RPL13A: variants seen among roughly 807,000 people sequenced by gnomAD.
The protein encoded by RPL13A is large ribosomal subunit protein uL13.
RPL13A carries 4 observed loss-of-function variants against 30.8 expected under a neutral mutation model. That is an observed-to-expected ratio of 0.13 (90% CI 0.06 to 0.30). RPL13A has a LOEUF of 0.30. RPL13A is among the 10% of genes least tolerant of loss of function. RPL13A has a pLI of 1.00. For missense variants in RPL13A, 196 were observed against 272.6 expected (o/e 0.72, Z 1.98); for synonymous variants, 108 against 104.2 (o/e 1.04, Z -0.22).
chr19:49,487,692 A>C (rs770310461), intron 1 of RPL13A, 48 bp downstream of exon 1: 1 of 1,485,358 alleles, frequency 6.7e-7, no homozygotes, highest in Admixed American at 2.6e-5. Flanking sequence ...GGTGGGATCC[A>C]GGCCGGAATG....
At chr19:49,490,039 CTG>C (rs776865576) in intron 2 of RPL13A, 117 bp downstream of exon 2, 2 of 1,016,320 alleles carry the variant, frequency 2.0e-6, no homozygotes, top group Non-Finnish European at 3.1e-6. Context: ...ATGCACCGCT[CTG>C]AGACCTGCCA....
At position 49,491,529 on chromosome 19, in the gene RPL13A, G is replaced by A. The variant is rs748119006; in HGVS notation, c.507G>A (p.Arg169=). The A allele has an allele frequency of 1.5e-5, 23 of 1,524,174 alleles. No homozygotes were observed. Among genetic ancestry groups the A allele is most frequent in the Non-Finnish European group, 1.8e-5 (21 of 1,137,092 alleles). The allele number at this position is 1,524,174 out of a possible 1,614,324, so 94.4% of individuals were successfully genotyped here. A position where few individuals can be genotyped will look rare whatever the true frequency, so the allele number is the denominator to read the frequency against. The change falls in exon 7 of 8, where the codon CGG becomes CGA. Residue 169 remains arginine (R), a synonymous_variant. Coordinates refer to ENST00000391857, the MANE Select transcript of RPL13A (RefSeq NM_012423.4). The part of the protein sequence containing the change: ...KRKEKAKIHY[R]KKKQLMRLRK... ...AAGAGAAAGCCAAGATCCACTACCG[G>A]AAGAAGAAACAGCTCATGGTGAGGC...
chr19:49,492,239 A>AG lies in RPL13A; in HGVS notation c.*428dup, dbSNP rs1424555353. 6.0e-6 allele frequency: 1 copy of AG among 166,684 alleles called. No homozygotes were observed. Among genetic ancestry groups the AG allele is most frequent in the African/African-American group, 2.4e-5 (1 of 41,770 alleles). The allele number at this position is 166,684 out of a possible 1,614,324, so 10.3% of individuals were successfully genotyped here. A position where few individuals can be genotyped will look rare whatever the true frequency, so the allele number is the denominator to read the frequency against. ...AATAGACTGGGAAGATGCACAACCAAGGGGTTACAGGCATCGCCCATGCTC... is the reference window on the plus strand; with the variant it reads ...AATAGACTGGGAAGATGCACAACCAAGGGGGTTACAGGCATCGCCCATGCTC... On this transcript the variant is annotated 3_prime_UTR_variant, in exon 8 of 8. Transcript: ENST00000391857.
intron 6 of RPL13A, 138 bp downstream of exon 6, chr19:49,491,237 C>T: frequency 1.6e-6 from 2 of 1,233,962 alleles, no homozygotes; most frequent in Non-Finnish European, 2.4e-6. Context: ...GCGACAATGC[C>T]AATGGCTTAG....
intron 1 of RPL13A, 100 bp downstream of exon 1, chr19:49,487,744 C>T (rs2079819627): frequency 2.4e-6 from 3 of 1,271,740 alleles, no homozygotes; most frequent in Admixed American, 3.4e-5. Context: ...CGGAGCTTAA[C>T]ATCCATAATG....
At chr19:49,491,354 G>A (rs1156454216) in intron 6 of RPL13A, 71 bp from the exon 7 acceptor site, 1 of 1,398,020 alleles carries the variant, frequency 7.2e-7, no homozygotes, top group Non-Finnish European at 1.0e-6. Flanking sequence ...AACAGCTCCG[G>A]CTCTTCAGGG....
intron 2 of RPL13A, 24 bp from the exon 3 acceptor site, chr19:49,490,208 T>C: frequency 1.2e-6 from 2 of 1,613,402 alleles, no homozygotes; most frequent in African/African-American, 2.7e-5. Context: ...GGCTCGGCCC[T>C]GCTAAGCCTT....
rs1433018621 is a variant in RPL13A at position 49,490,413 on chromosome 19, G to A, written c.155-62G>A. 7 of 1,596,836 alleles carry A rather than the reference G, an allele frequency of 4.4e-6. No individual in the cohort carries two copies. In the African/African-American group the frequency reaches 8.1e-5, roughly 18 times the overall value. Reference sequence around the variant, plus strand: ...ACTTGGGGTTTCTGAGAAGGCCCTTGGAAGTGGGGTTTTGGGGGTGCTGGT... The same window carrying A: ...ACTTGGGGTTTCTGAGAAGGCCCTTAGAAGTGGGGTTTTGGGGGTGCTGGT... On this transcript the variant is annotated intron_variant, in intron 3 of 7. Coordinates refer to ENST00000391857, the MANE Select transcript of RPL13A (RefSeq NM_012423.4).
intron 1 of RPL13A, among the ~76,000 whole-genome samples, chr19:49,488,518 T>G (rs2079831873): frequency 6.6e-6 from 1 of 152,238 alleles, no homozygotes; most frequent in African/African-American, 2.4e-5. Flanking sequence ...TTAACCATAT[T>G]CCTGAGGCAG....
chr19:49,489,986 TCAC>T (rs761904354), intron 2 of RPL13A, 64 bp downstream of exon 2: 12 of 1,306,544 alleles, frequency 9.2e-6, no homozygotes, highest in Non-Finnish European at 1.3e-5. Context: ...TGAGCAACAT[TCAC>T]CATCTTTCGT....
In RPL13A at chr19:49,491,414, C is replaced by CA; in HGVS notation, c.403-11_403-10insA. The CA allele has an allele frequency of 1.0e-6, 1 of 953,208 alleles. No individual in the cohort carries two copies. 59.0% of individuals were successfully genotyped at this position (953,208 alleles called of 1,614,324 possible). A position where few individuals can be genotyped will look rare whatever the true frequency, so the allele number is the denominator to read the frequency against. On this transcript the variant is annotated splice_polypyrimidine_tract_variant and intron_variant, in intron 6 of 7. Coordinates refer to ENST00000391857, the MANE Select transcript of RPL13A (RefSeq NM_012423.4). ...ACTTCATTTGTTCACCCCCCCCCCC[C>CA]CCCCCCGCAGTTTGCCTATCTGGGG...
chr19:49,487,754 G>T, intron 1 of RPL13A, 110 bp downstream of exon 1: 1 of 1,162,018 alleles, frequency 8.6e-7, no homozygotes, highest in Admixed American at 3.5e-5. Context: ...CATCCATAAT[G>T]AAGCAAAATG....
chr19:49,487,645 G>A lies in RPL13A; in HGVS notation c.15+1G>A, dbSNP rs747089637. The A allele has an allele frequency of 5.8e-6, 9 of 1,559,980 alleles. No individual in the cohort carries two copies. The Admixed American group carries it at 6.0e-5, about 10-fold the overall frequency. On this transcript the variant is annotated splice_donor_variant, in intron 1 of 7. Transcript: ENST00000391857. LOFTEE classifies it high-confidence loss of function. ...GCTGCCGAAGATGGCGGAGGTGCAG[G>A]TATGGGCTCCGCGCGGGCCGGGGCG...
At chr19:49,491,121 A>G in intron 6 of RPL13A, 22 bp downstream of exon 6, 1 of 1,613,846 alleles carries the variant, frequency 6.2e-7, no homozygotes. Flanking sequence ...CTTACGCTGC[A>G]CCATCTACTT....
intron 1 of RPL13A, 27 bp downstream of exon 1, chr19:49,487,671 G>A (rs747304070): frequency 1.3e-6 from 2 of 1,517,426 alleles, no homozygotes; most frequent in African/African-American, 2.9e-5. Flanking sequence ...GGCCGGGGCG[G>A]CAAGGGGCCG....
At position 49,489,996 on chromosome 19, in the gene RPL13A, T is replaced by A. The variant is rs766149246; in HGVS notation, c.88+74T>A. The A allele has an allele frequency of 8.8e-6, 11 of 1,243,054 alleles. No individual in the cohort carries two copies. In the South Asian group the frequency reaches 1.3e-4, roughly 15 times the overall value. 77.0% of individuals were successfully genotyped at this position (1,243,054 alleles called of 1,614,324 possible). ...AGTGATGAGCAACATTCACCATCTT[T>A]CGTTTGAGTCTCACGGCCATGAGAT... is the stretch of plus-strand genomic sequence containing the variant. On this transcript the variant is annotated intron_variant, in intron 2 of 7. Coordinates refer to ENST00000391857, the MANE Select transcript of RPL13A (RefSeq NM_012423.4).
chr19:49,490,684 T>A (rs749768780), intron 4 of RPL13A, 95 bp from the exon 5 acceptor site: 8 of 1,568,046 alleles, frequency 5.1e-6, no homozygotes, highest in Admixed American at 5.0e-5. Flanking sequence ...CCACATGCAC[T>A]ACCATCTGAG....
chr19:49,490,643 C>G (rs773911733), intron 4 of RPL13A, 67 bp downstream of exon 4: 1 of 1,581,388 alleles, frequency 6.3e-7, no homozygotes, highest in Admixed American at 1.7e-5. Context: ...TTCTCCCACT[C>G]ACATTCGAGT....
In RPL13A at chr19:49,490,167, G is replaced by T; in HGVS notation, c.89-65G>T. ...AAGTACTGCGCTGTGTCTGGAGGGT[G>T]ACTGCATAGGCAGTGGTGGGACCCT... On this transcript the variant is annotated intron_variant, in intron 2 of 7. Coordinates refer to ENST00000391857, the MANE Select transcript of RPL13A (RefSeq NM_012423.4). The T allele has an allele frequency of 2.1e-6, 3 of 1,451,342 alleles. No homozygotes were observed. The South Asian group carries it at 3.4e-5, about 17-fold the overall frequency. The allele number at this position is 1,451,342 out of a possible 1,614,324, so 89.9% of individuals were successfully genotyped here. A position where few individuals can be genotyped will look rare whatever the true frequency, so the allele number is the denominator to read the frequency against.
Sources: gnomAD v4.1 joint callset for allele counts (sites outside exome capture counted in the v4.1 genomes callset) on GRCh38, gnomAD v4.1.1 for gene constraint, MANE v1.5 for transcripts, NCBI Gene and HGNC (gene_info 2026-07-23, HGNC 2026-07-21) for gene names.